Variants in ATP10A observed in about 807,000 individuals in gnomAD.
The protein encoded by ATP10A is ATPase phospholipid transporting 10A (putative), also known as phospholipid-transporting ATPase VA.
In ATP10A, 111 loss-of-function variants were observed where a neutral mutation model predicts 147.8. The observed-to-expected ratio is 0.75, with a 90% CI of 0.64 to 0.88. The LOEUF is 0.88. ATP10A is among the 40% of genes least tolerant of loss of function. The probability of loss-of-function intolerance (pLI) is 0.00; values close to 1 mark genes in which losing one functional copy is unlikely to be tolerated. For synonymous variants in ATP10A, 875 were observed against 841.6 expected, an observed-to-expected ratio of 1.04 and a Z score of -0.69; for missense variants, 1,927 against 1,959.0, an observed-to-expected ratio of 0.98 and a Z score of 0.31.
intron 16 of ATP10A, chr15:25,683,819 T>C (rs963681402): frequency 1.3e-5 from 4 of 301,204 alleles, no homozygotes; most frequent in African/African-American, 8.7e-5. Flanking sequence ...TTCACAGGGG[T>C]GTAGGGCTGC....
chr15:25,740,110 T>C (rs912435027), intron 2 of ATP10A, among the ~76,000 whole-genome samples: 2 of 152,196 alleles, frequency 1.3e-5, no homozygotes, highest in African/African-American at 4.8e-5. Context: ...GGAGATTCTG[T>C]TACCAACCTT....
At chr15:25,745,359 A>C (rs1273111596) in intron 2 of ATP10A, among the ~76,000 whole-genome samples, 2 of 152,164 alleles carry the variant, frequency 1.3e-5, no homozygotes, top group Non-Finnish European at 1.5e-5. Flanking sequence ...TCTCAAAAAA[A>C]AAAAAGGGAA....
intron 2 of ATP10A, among the ~76,000 whole-genome samples, chr15:25,761,317 G>T (rs753744435): frequency 6.6e-6 from 1 of 152,160 alleles, no homozygotes; most frequent in Non-Finnish European, 1.5e-5. Context: ...TGCTAATAAA[G>T]ACATACCCGA....
chr15:25,779,666 C>T (rs915899203), intron 2 of ATP10A, among the ~76,000 whole-genome samples: 22 of 152,164 alleles, frequency 1.4e-4, no homozygotes, highest in Admixed American at 5.2e-4. Context: ...AGAAGCTGGG[C>T]GCCGCCAGGC....
intron 1 of ATP10A, among the ~76,000 whole-genome samples, chr15:25,851,009 G>C (rs1019549910): frequency 2.0e-5 from 3 of 152,000 alleles, no homozygotes; most frequent in African/African-American, 7.2e-5. Flanking sequence ...CACTTCTTGG[G>C]GGAAGCAAAG....
chr15:25,726,010 T>C lies in ATP10A; in HGVS notation c.920A>G (p.Asn307Ser), dbSNP rs1339435048. ...CAGGACACACCAGAGCACGTCGCAG[T>C]TCATCTGCCTCTCCAGCTTGCTGCG... ...YKRSKLERQM[N>S]CDVLWCVLLL... is the part of the protein sequence containing the mutation. The change falls in exon 5 of 21, where the codon AAC (asparagine) becomes AGC (serine). Residue 307 changes from asparagine to serine, a missense_variant. Transcript: ENST00000555815. 1.2e-6 allele frequency: 2 copies of C among 1,614,124 alleles called. No homozygotes were observed. Among genetic ancestry groups the C allele is most frequent in the Non-Finnish European group, 1.7e-6 (2 of 1,180,010 alleles).
At chr15:25,694,710 C>A (rs750903061) in intron 14 of ATP10A, 109 bp downstream of exon 14, 365 of 1,033,790 alleles carry the variant, frequency 3.5e-4, no homozygotes, top group Non-Finnish European at 4.8e-4. Flanking sequence ...ATTTTACACA[C>A]AGAAAGAAAG....
At chr15:25,702,140 A>C (rs1900705790) in intron 12 of ATP10A, 40 bp from the exon 13 acceptor site, 1 of 1,572,696 alleles carries the variant, frequency 6.4e-7, no homozygotes, top group Non-Finnish European at 8.6e-7. Context: ...CCCGCTTCTC[A>C]CGTGCCCCCC....
chr15:25,816,230 T>G (rs1423433497), intron 1 of ATP10A, among the ~76,000 whole-genome samples: 3 of 52,718 alleles, frequency 5.7e-5, no homozygotes, highest in East Asian at 6.3e-4. Context: ...TTTTGTTTTA[T>G]TTTGCTTTGT....
At position 25,831,290 on chromosome 15, in the gene ATP10A, C is replaced by T. The variant is rs17116244; in HGVS notation, c.449+31358G>A. ...GCAATTACACATTGTTGGGCAAGTC[C>T]TGGAACTGTAATGGGCTCTGTGTGT... On this transcript the variant is annotated intron_variant, in intron 1 of 20. Transcript: ENST00000555815. Among the ~76,000 whole-genome samples the T allele has an allele frequency of 7.8e-3, 1,188 of 152,334 alleles. 13 individuals are homozygous for T. Among genetic ancestry groups the T allele is most frequent in the African/African-American group, 0.027 (1,120 of 41,574 alleles).
intron 1 of ATP10A, among the ~76,000 whole-genome samples, chr15:25,785,844 G>GA (rs1890133882): frequency 6.6e-6 from 1 of 152,186 alleles, no homozygotes; most frequent in Non-Finnish European, 1.5e-5. Flanking sequence ...CTGGAATGGG[G>GA]GCACCACCCA....
intron 2 of ATP10A, among the ~76,000 whole-genome samples, chr15:25,743,048 G>T (rs1887653503): frequency 2.0e-5 from 3 of 152,168 alleles, no homozygotes; most frequent in Admixed American, 1.3e-4. Context: ...CTGGAGAAAA[G>T]GTGCTCTCTC....
chr15:25,776,663 G>C (rs980125756), intron 2 of ATP10A, among the ~76,000 whole-genome samples: 1 of 152,136 alleles, frequency 6.6e-6, no homozygotes, highest in African/African-American at 2.4e-5. Context: ...AAATAGCTGG[G>C]TGATTTAAGG....
chr15:25,732,029 T>G (rs1423083685), intron 3 of ATP10A, among the ~76,000 whole-genome samples: 1 of 151,870 alleles, frequency 6.6e-6, no homozygotes, highest in Non-Finnish European at 1.5e-5. Flanking sequence ...ACCAGGCTAA[T>G]TTTTGTGTGT....
chr15:25,680,984 G>C lies in ATP10A; in HGVS notation c.3573+10C>G. The C allele has an allele frequency of 6.2e-7, 1 of 1,614,034 alleles. No homozygotes were observed. The highest frequency in any genetic ancestry group is 8.5e-7 in the Non-Finnish European group (1 of 1,179,896). ...CTGGTAAGAAAAACTGCACCCAGGG[G>C]CCAACTTACCAGGTAAGGAATGGAA... On this transcript the variant is annotated intron_variant, in intron 18 of 20. Transcript: ENST00000555815.
intron 1 of ATP10A, among the ~76,000 whole-genome samples, chr15:25,808,342 G>A (rs959177657): frequency 6.6e-6 from 1 of 152,184 alleles, no homozygotes; most frequent in Admixed American, 6.5e-5. Flanking sequence ...AGCTCTCATA[G>A]AAACATGCTC....
intron 2 of ATP10A, among the ~76,000 whole-genome samples, chr15:25,750,862 A>T (rs1888121049): frequency 6.6e-6 from 1 of 152,084 alleles, no homozygotes; most frequent in African/African-American, 2.4e-5. Flanking sequence ...TGTATCCAAC[A>T]AACCTTGAAG....
chr15:25,723,773 G>T (rs1052378313), intron 6 of ATP10A, 118 bp downstream of exon 6: 10 of 859,616 alleles, frequency 1.2e-5, no homozygotes, highest in Non-Finnish European at 1.6e-5. Context: ...ACTCCAGGTA[G>T]ATATATTTGC....
chr15:25,781,049 C>T lies in ATP10A; in HGVS notation c.624G>A (p.Arg208=), dbSNP rs370210400. The part of the protein sequence containing the change: ...ANLDGETNLK[R]RQVVRGFSEL... ...CCGAGAAGCCGCGGACCACCTGCCG[C>T]CGCTTCAGGTTGGTCTCTCCATCCA... Residue 208 remains arginine (R), a synonymous_variant, in exon 2 of 21, where the codon CGG becomes CGA. Coordinates refer to ENST00000555815, the MANE Select transcript of ATP10A (RefSeq NM_024490.4). 6.2e-6 allele frequency: 10 copies of T among 1,614,000 alleles called. No homozygotes were observed. The African/African-American group carries it at 1.3e-4, about 22-fold the overall frequency.
Sources: allele counts gnomAD v4.1 joint callset (sites outside exome capture counted in the v4.1 genomes callset), GRCh38; gene constraint gnomAD v4.1.1; transcripts MANE v1.5; gene names NCBI Gene and HGNC (gene_info 2026-07-23, HGNC 2026-07-21).